The following ABCA13 variants were observed in gnomAD, a reference collection of about 807,000 sequenced individuals.
The protein encoded by ABCA13 is ATP binding cassette subfamily A member 13, also known as ATP-binding cassette sub-family A member 13.
A neutral mutation model predicts 478.7 loss-of-function variants in ABCA13; 476 were observed. The observed-to-expected ratio is 0.99, with a 90% CI of 0.92 to 1.07. The LOEUF (loss-of-function observed/expected upper bound fraction) is 1.07, where lower values mean the gene tolerates loss of function less well. ABCA13 is among the 50% of genes least tolerant of loss of function. The pLI is 0.00. For missense variants in ABCA13, 6,060 were observed against 5,910.6 expected (o/e 1.03, Z -0.83); for synonymous variants, 2,252 against 2,158.9 (o/e 1.04, Z -1.20).
intron 35 of ABCA13, among the ~76,000 whole-genome samples, chr7:48,386,364 T>C (rs1450550600): frequency 6.6e-6 from 1 of 152,230 alleles, no homozygotes; most frequent in Non-Finnish European, 1.5e-5. Flanking sequence ...ATTGATATTC[T>C]TCACAGAACT....
intron 27 of ABCA13, among the ~76,000 whole-genome samples, chr7:48,319,943 AT>A: frequency 1.3e-5 from 2 of 152,214 alleles, no homozygotes; most frequent in Middle Eastern, 6.8e-3. Flanking sequence ...GGGCTCTGAT[AT>A]CCCCATCCCT....
At chr7:48,498,707 A>T (rs1343187634) in intron 48 of ABCA13, among the ~76,000 whole-genome samples, 1 of 152,218 alleles carries the variant, frequency 6.6e-6, no homozygotes, top group Non-Finnish European at 1.5e-5. Context: ...GGCCACAGAG[A>T]TATGCTCATA....
intron 10 of ABCA13, among the ~76,000 whole-genome samples, chr7:48,242,591 C>T (rs887911249): frequency 1.2e-4 from 19 of 152,230 alleles, no homozygotes; most frequent in African/African-American, 4.6e-4. Context: ...GCTCACACCA[C>T]TACTGCCCAG....
chr7:48,410,464 GGTCCTCCTGGGGCCTTT>G, intron 39 of ABCA13, 39 bp from the exon 40 acceptor site: 11 of 1,594,410 alleles, frequency 6.9e-6, no homozygotes, highest in African/African-American at 1.3e-5. Flanking sequence ...AAGGAGGGAA[GGTCCTCCTGGGGCCTTT>G]GTCCTCCTGG....
At chr7:48,460,998 G>A (rs1360063256) in intron 43 of ABCA13, among the ~76,000 whole-genome samples, 1 of 152,194 alleles carries the variant, frequency 6.6e-6, no homozygotes, top group African/African-American at 2.4e-5. Context: ...TTCTATGTAT[G>A]TGGCATCTTT....
intron 10 of ABCA13, 125 bp downstream of exon 10, chr7:48,241,191 C>A: frequency 8.3e-7 from 1 of 1,200,308 alleles, no homozygotes; most frequent in Non-Finnish European, 1.2e-6. Flanking sequence ...TTCTTGTTAG[C>A]AAATGGGAAA....
chr7:48,496,573 G>A (rs1480908675), intron 48 of ABCA13, among the ~76,000 whole-genome samples: 1 of 151,864 alleles, frequency 6.6e-6, no homozygotes. Flanking sequence ...TTCCTGTTAT[G>A]ATTTCCTTTG....
chr7:48,617,291 C>A lies in ABCA13; in HGVS notation c.14837+1914C>A, dbSNP rs1406388248. Among the ~76,000 whole-genome samples, 4 of 152,178 alleles carry A rather than the reference C, an allele frequency of 2.6e-5. No individual in the cohort carries two copies. In the East Asian group the frequency reaches 7.7e-4, roughly 29 times the overall value. On this transcript the variant is annotated intron_variant, in intron 59 of 61. Coordinates refer to ENST00000435803, the MANE Select transcript of ABCA13 (RefSeq NM_152701.5). ...GAACTTGTAGTGGGTCTCCTTCCTC[C>A]TCCTCTCCATCCCTTTCTTTCCATG...
chr7:48,389,243 C>A, intron 37 of ABCA13, 23 bp downstream of exon 37: 1 of 1,592,422 alleles, frequency 6.3e-7, no homozygotes, highest in Non-Finnish European at 8.6e-7. Flanking sequence ...TTACCCTTAT[C>A]AAACACTGGG....
At chr7:48,423,047 C>T (rs995092462) in intron 41 of ABCA13, among the ~76,000 whole-genome samples, 6 of 152,214 alleles carry the variant, frequency 3.9e-5, no homozygotes, top group Non-Finnish European at 8.8e-5. Flanking sequence ...TTGTCTTAAG[C>T]CACCACATTT....
chr7:48,281,310 C>G, intron 18 of ABCA13, 33 bp from the exon 19 acceptor site: 1 of 1,549,600 alleles, frequency 6.5e-7, no homozygotes, highest in Non-Finnish European at 8.7e-7. Context: ...CATTTTTACC[C>G]TTTTATGTCA....
chr7:48,331,629 C>T (rs766802173), intron 27 of ABCA13, among the ~76,000 whole-genome samples: 2 of 152,140 alleles, frequency 1.3e-5, no homozygotes, highest in African/African-American at 2.4e-5. Flanking sequence ...ATGGAAAGAT[C>T]GGTGTACCCT....
At position 48,387,969 on chromosome 7, in the gene ABCA13, G is replaced by GGGA; in HGVS notation, c.11473+10_11473+11insGGA. ...AACTTTGACAATAAAGGTTTGTAAGGAGTAGAATTATTAGATGCATGTATT... is the reference window on the plus strand; with the variant it reads ...AACTTTGACAATAAAGGTTTGTAAGGGGAAGTAGAATTATTAGATGCATGTATT... On this transcript the variant is annotated intron_variant, in intron 36 of 61. Transcript: ENST00000435803. 6.3e-7 allele frequency: 1 copy of GGGA among 1,591,372 alleles called. No individual in the cohort carries two copies. The highest frequency in any genetic ancestry group is 8.5e-7 in the Non-Finnish European group (1 of 1,173,488).
At chr7:48,472,746 T>C (rs1827637513) in intron 45 of ABCA13, among the ~76,000 whole-genome samples, 1 of 152,078 alleles carries the variant, frequency 6.6e-6, no homozygotes, top group African/African-American at 2.4e-5. Flanking sequence ...TAGGACTAGG[T>C]GTGTCATTTC....
intron 59 of ABCA13, 33 bp from the exon 60 acceptor site, chr7:48,643,255 A>G (rs754407654): frequency 1.2e-5 from 17 of 1,397,410 alleles, no homozygotes; most frequent in Middle Eastern, 1.8e-4. Context: ...TCAATATGAT[A>G]ATAATCATGT....
chr7:48,339,031 T>G (rs1334029295), intron 29 of ABCA13, among the ~76,000 whole-genome samples: 1 of 152,156 alleles, frequency 6.6e-6, no homozygotes. Flanking sequence ...ACTGCAACAC[T>G]GTGGCAAAAT....
intron 32 of ABCA13, among the ~76,000 whole-genome samples, chr7:48,370,957 A>G (rs1365282930): frequency 6.6e-6 from 1 of 152,198 alleles, no homozygotes; most frequent in Non-Finnish European, 1.5e-5. Flanking sequence ...AGTTTTATAT[A>G]AGGTTTAAGG....
intron 31 of ABCA13, among the ~76,000 whole-genome samples, chr7:48,362,401 CTCTTCTTCTTTTTTT>C (rs1035605901): frequency 2.8e-5 from 4 of 141,614 alleles, no homozygotes; most frequent in African/African-American, 1.0e-4. Context: ...TTCACTCTTC[CTCTTCTTCTTTTTTT>C]TTTTTTTTTT....
At chr7:48,322,907 A>T (rs1803710608) in intron 27 of ABCA13, among the ~76,000 whole-genome samples, 3 of 152,116 alleles carry the variant, frequency 2.0e-5, no homozygotes, top group Admixed American at 1.3e-4. Flanking sequence ...CACTATAGGT[A>T]GGTTTTCTTT....
Sources: allele counts gnomAD v4.1 joint callset (sites outside exome capture counted in the v4.1 genomes callset), GRCh38; gene constraint gnomAD v4.1.1; transcripts MANE v1.5; gene names NCBI Gene and HGNC (gene_info 2026-07-23, HGNC 2026-07-21).